The following SNED1 variants were observed in gnomAD, a reference collection of about 807,000 sequenced individuals.
SNED1 encodes sushi, nidogen and EGF-like domain-containing protein 1.
SNED1 carries 81 observed loss-of-function variants against 166.7 expected under a neutral mutation model. The observed-to-expected ratio is 0.49, with a 90% CI of 0.41 to 0.58. SNED1 has a LOEUF of 0.58. Ranked by LOEUF, SNED1 falls within the 20% of genes least tolerant of loss-of-function variation. The pLI, the probability that SNED1 is intolerant of heterozygous loss-of-function variation, is 0.00. For synonymous variants in SNED1, 762 were observed against 822.0 expected, an observed-to-expected ratio of 0.93 and a Z score of 1.25; for missense variants, 1,604 against 2,000.2, an observed-to-expected ratio of 0.80 and a Z score of 3.78.
At chr2:241,049,743 G>A in intron 11 of SNED1, 74 bp from the exon 12 acceptor site, 1 of 1,121,998 alleles carries the variant, frequency 8.9e-7, no homozygotes, top group East Asian at 2.4e-5. Flanking sequence ...GGCAGGCAAG[G>A]TGCCCGCCAG....
At chr2:241,003,405 G>T (rs1240122648) in intron 1 of SNED1, among the ~76,000 whole-genome samples, 1 of 152,222 alleles carries the variant, frequency 6.6e-6, no homozygotes, top group Non-Finnish European at 1.5e-5. Context: ...GCAGCAAGAT[G>T]CCTGCACCCT....
chr2:241,065,411 G>A lies in SNED1; in HGVS notation c.2826G>A (p.Ala942=), dbSNP rs78114060. 4.5e-4 allele frequency: 722 copies of A among 1,613,092 alleles called. 6 individuals are homozygous for A. The African/African-American group carries it at 7.8e-3, about 17-fold the overall frequency. The change falls in exon 21 of 32, where the codon GCG becomes GCA. Residue 942 remains alanine (A), a synonymous_variant. Transcript: ENST00000310397. ...PAARQMLDGY[A]VTYVSSDGSY... ...CCAGGCAGATGCTTGATGGCTACGC[G>A]GTCACCTACGTCTCCTCCGACGGCT...
At chr2:241,072,684 C>T (rs1412184341) in intron 26 of SNED1, 1 of 202,800 alleles carries the variant, frequency 4.9e-6, no homozygotes, top group Non-Finnish European at 1.0e-5. Context: ...AGCAAGGTGT[C>T]TGAGGAGAGG....
chr2:241,087,216 A>G, intron 29 of SNED1, 176 bp from the exon 30 acceptor site: 1 of 595,796 alleles, frequency 1.7e-6, no homozygotes, highest in Non-Finnish European at 3.0e-6. Context: ...TACAAATCAC[A>G]TGACCTTTAT....
rs1317839557 is a variant in SNED1 at position 241,091,619 on chromosome 2, CTTTGT to C, written c.*2-15_*2-11del. 1 of 152,218 alleles carries C rather than the reference CTTTGT, an allele frequency of 6.6e-6. No individual in the cohort carries two copies. The highest frequency in any genetic ancestry group is 2.4e-5 in the African/African-American group (1 of 41,444). 9.4% of individuals were successfully genotyped at this position (152,218 alleles called of 1,614,324 possible). A position where few individuals can be genotyped will look rare whatever the true frequency, so the allele number is the denominator to read the frequency against. ...TGCCTGTCATTCTCCTCATGCTTCA[CTTTGT>C]TTTTTCTTCAAAGGATTTAAGACGT... is the stretch of plus-strand genomic sequence containing the variant. On this transcript the variant is annotated splice_polypyrimidine_tract_variant and intron_variant, in intron 31 of 31. Transcript: ENST00000310397. This position sits in a 1 kb window ranked among gnomAD's most constrained non-coding sequence, Gnocchi z 4.1.
chr2:241,033,381 CT>C, intron 2 of SNED1: 1 of 203,988 alleles, frequency 4.9e-6, no homozygotes, highest in Non-Finnish European at 9.8e-6. Flanking sequence ...TACCTTTCCT[CT>C]TTTCCTTTTT....
At chr2:241,040,870 GTTGT>G (rs757635185) in intron 8 of SNED1, 1 of 470,230 alleles carries the variant, frequency 2.1e-6, no homozygotes, top group Admixed American at 2.4e-5. Flanking sequence ...TCTATTTTGT[GTTGT>G]TTAACTGCTA....
Position 241,051,890 on chromosome 2 carries a change from A to G in SNED1, c.1852+30A>G. 2 of 1,510,552 alleles carry G rather than the reference A, an allele frequency of 1.3e-6. No homozygotes were observed. The highest frequency in any genetic ancestry group is 8.9e-7 in the Non-Finnish European group (1 of 1,120,666). The allele number at this position is 1,510,552 out of a possible 1,614,324, so 93.6% of individuals were successfully genotyped here. On this transcript the variant is annotated intron_variant, in intron 13 of 31. Transcript: ENST00000310397. The surrounding 1 kb of genome is among the most constrained non-coding windows in gnomAD (Gnocchi z 4.7). ...GGCCCCCAGGGGCAGGGGGGAGGGCAGGAACGACGGGCCAGCCCTGAGCTG... is the reference window on the plus strand; with the variant it reads ...GGCCCCCAGGGGCAGGGGGGAGGGCGGGAACGACGGGCCAGCCCTGAGCTG...
Position 241,065,501 on chromosome 2 carries a change from C to G in SNED1, c.2916C>G (p.Ala972=). Residue 972 remains alanine (A), a synonymous_variant, in exon 21 of 32, where the codon GCC becomes GCG. Coordinates refer to ENST00000310397, the MANE Select transcript of SNED1 (RefSeq NM_001080437.3). Reference sequence around the variant, plus strand: ...CGCACCAGCTCCAGGCCCTGGCGGCCGGCAGGGCCTACAACATCTCCGTCT... The same window carrying G: ...CGCACCAGCTCCAGGCCCTGGCGGCGGGCAGGGCCTACAACATCTCCGTCT... ...RSSHQLQALA[A]GRAYNISVFS... 1 of 1,612,934 alleles carries G rather than the reference C, an allele frequency of 6.2e-7. No homozygotes were observed. The highest frequency in any genetic ancestry group is 8.5e-7 in the Non-Finnish European group (1 of 1,179,828).
chr2:241,061,577 G>A (rs966759171), intron 16 of SNED1, among the ~76,000 whole-genome samples: 2 of 152,122 alleles, frequency 1.3e-5, no homozygotes, highest in African/African-American at 4.8e-5. Context: ...AATATACACA[G>A]CAACATTTTT....
At chr2:241,066,465 C>T (rs997380830) in intron 21 of SNED1, among the ~76,000 whole-genome samples, 1 of 152,180 alleles carries the variant, frequency 6.6e-6, no homozygotes, top group African/African-American at 2.4e-5. Context: ...TCGGAACAGG[C>T]TGGGCAGGAA....
intron 1 of SNED1, among the ~76,000 whole-genome samples, chr2:241,024,697 A>T (rs183108688): frequency 6.6e-5 from 3 of 45,316 alleles, no homozygotes; most frequent in African/African-American, 4.5e-4. Flanking sequence ...TTTGAGACAG[A>T]GTCTCGCTCT....
In SNED1 at chr2:241,034,633, G is replaced by A. The variant is rs1472606729; in HGVS notation, c.708G>A (p.Met236Ile). 1.2e-6 allele frequency: 2 copies of A among 1,611,894 alleles called. No individual in the cohort carries two copies. Among genetic ancestry groups the A allele is most frequent in the Non-Finnish European group, 1.7e-6 (2 of 1,179,484 alleles). ...FSIPGSRTADMAEVETTTNVG... is the reference protein window; with the variant it reads ...FSIPGSRTADIAEVETTTNVG... ...TCCCCGGCTCGCGCACAGCAGACATGGCCGAGGTGGAGACCACCACCAACG... is the reference window on the plus strand; with the variant it reads ...TCCCCGGCTCGCGCACAGCAGACATAGCCGAGGTGGAGACCACCACCAACG... The change falls in exon 4 of 32, where the codon ATG (methionine) becomes ATA (isoleucine). Residue 236 changes from methionine (M) to isoleucine (I), a missense_variant. Transcript: ENST00000310397.
chr2:241,040,473 C>A, intron 8 of SNED1, 60 bp downstream of exon 8: 5 of 1,057,582 alleles, frequency 4.7e-6, no homozygotes, highest in Non-Finnish European at 6.8e-6. Context: ...CCGTGAACAC[C>A]CCCATAGCCA....
chr2:241,005,504 C>T (rs953590465), intron 1 of SNED1, among the ~76,000 whole-genome samples: 1 of 152,062 alleles, frequency 6.6e-6, no homozygotes, highest in African/African-American at 2.4e-5. Context: ...ATGCCTGGCC[C>T]AGATTTCCAT....
intron 26 of SNED1, chr2:241,072,367 C>T: frequency 2.7e-6 from 1 of 374,548 alleles, no homozygotes; most frequent in Admixed American, 3.4e-5. Flanking sequence ...ACCGGGTTTA[C>T]TGGGTGAGTG....
In SNED1 at chr2:241,070,114, C is replaced by T. The variant is rs201532756; in HGVS notation, c.3502C>T (p.Arg1168Trp). The T allele has an allele frequency of 9.3e-6, 15 of 1,612,792 alleles. No individual in the cohort carries two copies. Among genetic ancestry groups the T allele is most frequent in the South Asian group, 4.4e-5 (4 of 91,046 alleles). The part of the protein sequence containing the change: ...SYTVRDLLPG[R>W]RYQLSVIAVQ... ...CACGGTGCGCGACCTGCTGCCGGGACGGCGGTACCAGCTCTCTGTGATAGC... is the reference window on the plus strand; with the variant it reads ...CACGGTGCGCGACCTGCTGCCGGGATGGCGGTACCAGCTCTCTGTGATAGC... The change falls in exon 24 of 32, where the codon CGG (arginine) becomes TGG (tryptophan). Residue 1168 changes from arginine (R) to tryptophan (W), a missense_variant. Physicochemically the swap from Arg to Trp is moderately radical, Grantham distance 101. This residue lies in a region of SNED1 where 367 missense variants were observed against 379.4 expected (regional missense o/e 0.97). Transcript: ENST00000310397.
rs1309182788 is a variant in SNED1, at chr2:241,064,849, G to T, written c.2605G>T (p.Asp869Tyr). ...FFGYHCETVS[D>Y]PCFSSPCGGR... The stretch of plus-strand genomic sequence containing the variant: ...GCCACTTTTTCTCCCCTCAGTGAGT[G>T]ACCCCTGCTTCTCCAGCCCCTGTGG... The change falls in exon 20 of 32, where the codon GAC becomes TAC. Residue 869 changes from aspartate (D) to tyrosine (Y), a missense_variant. Coordinates refer to ENST00000310397, the MANE Select transcript of SNED1 (RefSeq NM_001080437.3). The surrounding 1 kb of genome is among the most constrained non-coding windows in gnomAD (Gnocchi z 7.0). 5.0e-6 allele frequency: 8 copies of T among 1,585,454 alleles called. No homozygotes were observed. Among genetic ancestry groups the T allele is most frequent in the Non-Finnish European group, 6.8e-6 (8 of 1,171,210 alleles).
At chr2:241,083,393 GGGA>G (rs10587141) in intron 29 of SNED1, among the ~76,000 whole-genome samples, 77,972 of 151,634 alleles carry the variant, frequency 0.51, 22,953 homozygotes, top group African/African-American at 0.82. Context: ...GCATGAAATG[GGGA>G]GGAGCTACTG....
Sources: gnomAD v4.1 joint callset for allele counts (sites outside exome capture counted in the v4.1 genomes callset) on GRCh38, gnomAD v4.1.1 for gene constraint, gnomAD v4.1.1 regional missense constraint, Gnocchi (gnomAD v3.1) non-coding constraint, MANE v1.5 for transcripts, NCBI Gene and HGNC (gene_info 2026-07-23, HGNC 2026-07-21) for gene names.